The following FAT4 variants were observed in gnomAD, a reference collection of about 807,000 sequenced individuals.
The protein encoded by FAT4 is protocadherin Fat 4.
FAT4 carries 84 observed loss-of-function variants against 303.9 expected under a neutral mutation model. The observed-to-expected ratio is 0.28, with a 90% CI of 0.23 to 0.33. FAT4 has a LOEUF of 0.33. Among genes scored for constraint, FAT4 ranks in the 10% least tolerant of loss-of-function variants. FAT4 has a pLI of 1.00. For missense variants in FAT4, 6,005 were observed against 6,146.8 expected (o/e 0.98, Z 0.77); for synonymous variants, 2,307 against 2,298.8 (o/e 1.00, Z -0.10).
At chr4:125,416,377 T>TA in intron 6 of FAT4, 71 bp from the exon 7 acceptor site, 10 of 1,336,452 alleles carry the variant, frequency 7.5e-6, no homozygotes, top group Non-Finnish European at 1.0e-5. Context: ...CATTTTTTTT[T>TA]AATGGAGGCA....
At chr4:125,393,685 G>A (rs1734058674) in intron 2 of FAT4, among the ~76,000 whole-genome samples, 2 of 152,148 alleles carry the variant, frequency 1.3e-5, no homozygotes, top group African/African-American at 4.8e-5. Context: ...CCTTCAGCAA[G>A]CTGAATACCA....
intron 2 of FAT4, among the ~76,000 whole-genome samples, chr4:125,333,164 A>G (rs145738702): frequency 2.5e-4 from 38 of 152,114 alleles, no homozygotes; most frequent in African/African-American, 8.2e-4. Context: ...AATTTAGGTA[A>G]CTCATTGAGT....
At chr4:125,398,734 C>A in intron 2 of FAT4, 50 bp from the exon 3 acceptor site, 1 of 1,590,706 alleles carries the variant, frequency 6.3e-7, no homozygotes, top group Non-Finnish European at 8.6e-7. Flanking sequence ...TAATTGGTAT[C>A]TTGCAGACAC....
rs1730637850 is a variant in FAT4 at position 125,317,082 on chromosome 4, A to G, written c.671A>G (p.Asp224Gly). ...TACCAGCTCCTGGTTGAGGTGGAGG[A>G]CAAGGGTGAGCCTAAGCGGCGGGGC... ...PQYQLLVEVE[D>G]KGEPKRRGYL... Residue 224 changes from aspartate (D) to glycine (G), a missense_variant, in exon 2 of 18, where the codon GAC (aspartate) becomes GGC (glycine). Transcript: ENST00000394329. The surrounding 1 kb of genome is among the most constrained non-coding windows in gnomAD (Gnocchi z 7.0). 6.2e-7 allele frequency: 1 copy of G among 1,614,024 alleles called. No individual in the cohort carries two copies. The highest frequency in any genetic ancestry group is 8.5e-7 in the Non-Finnish European group (1 of 1,180,036).
At chr4:125,388,988 G>A (rs971547981) in intron 2 of FAT4, among the ~76,000 whole-genome samples, 1 of 152,114 alleles carries the variant, frequency 6.6e-6, no homozygotes, top group Admixed American at 6.5e-5. Context: ...AGTGGTGAGA[G>A]ATTAATGTAA....
chr4:125,405,076 A>C (rs1417315967), intron 3 of FAT4, among the ~76,000 whole-genome samples: 4 of 152,022 alleles, frequency 2.6e-5, no homozygotes, highest in Admixed American at 2.0e-4. Context: ...AAAATCTGAA[A>C]TGTTCCAATA....
chr4:125,469,061 T>A (rs1236971374), intron 12 of FAT4, among the ~76,000 whole-genome samples: 1 of 152,236 alleles, frequency 6.6e-6, no homozygotes, highest in Non-Finnish European at 1.5e-5. Context: ...TTGTATGTTT[T>A]TAAGGCCATG....
chr4:125,415,865 C>A, intron 6 of FAT4, 59 bp downstream of exon 6: 1 of 1,286,660 alleles, frequency 7.8e-7, no homozygotes, highest in Non-Finnish European at 1.1e-6. Context: ...ATTTGAAAAC[C>A]TCCCCTCTTC....
intron 5 of FAT4, among the ~76,000 whole-genome samples, chr4:125,413,406 A>G (rs963495304): frequency 6.6e-6 from 1 of 151,906 alleles, no homozygotes; most frequent in Non-Finnish European, 1.5e-5. Flanking sequence ...GTAGTCTTAA[A>G]TAAACTATAA....
chr4:125,347,805 G>T (rs1732063053), intron 2 of FAT4, among the ~76,000 whole-genome samples: 1 of 151,630 alleles, frequency 6.6e-6, no homozygotes, highest in East Asian at 1.9e-4. Flanking sequence ...TTTATAGTAG[G>T]ACCTCTGAGT....
rs534821518 is a variant in FAT4 at position 125,460,357 on chromosome 4, C to T, written c.11801-3206C>T. On this transcript the variant is annotated intron_variant, in intron 10 of 17. Coordinates refer to ENST00000394329, the MANE Select transcript of FAT4 (RefSeq NM_001291303.3). ...ATAGGTAAACTCATGTCACAGGGTTCGTTATACAGATTATTTCATCAACTA... is the reference window on the plus strand; with the variant it reads ...ATAGGTAAACTCATGTCACAGGGTTTGTTATACAGATTATTTCATCAACTA... 1.4e-3 allele frequency among the ~76,000 whole-genome samples: 220 copies of T among 151,946 alleles called. 1 individual carries two copies. Among genetic ancestry groups the T allele is most frequent in the Non-Finnish European group, 2.6e-3 (179 of 67,908 alleles).
At chr4:125,461,513 C>G (rs924158942) in intron 10 of FAT4, among the ~76,000 whole-genome samples, 2 of 151,876 alleles carry the variant, frequency 1.3e-5, no homozygotes, top group African/African-American at 4.8e-5. Context: ...AATTTTGTAA[C>G]CCACTAACAT....
intron 6 of FAT4, among the ~76,000 whole-genome samples, 188 bp from the exon 7 acceptor site, chr4:125,416,260 T>G (rs1228709411): frequency 6.6e-6 from 1 of 152,186 alleles, no homozygotes; most frequent in Admixed American, 6.5e-5. Flanking sequence ...TTTACACATA[T>G]TTTTACACAA....
intron 10 of FAT4, among the ~76,000 whole-genome samples, chr4:125,459,595 A>C (rs1726413211): frequency 6.6e-6 from 1 of 152,044 alleles, no homozygotes; most frequent in African/African-American, 2.4e-5. Flanking sequence ...CAAAGCAATG[A>C]GATCAATTTA....
intron 2 of FAT4, among the ~76,000 whole-genome samples, chr4:125,385,019 TATATA>T (rs1330995366): frequency 0.014 from 994 of 72,868 alleles, 7 homozygotes; most frequent in East Asian, 0.066. Flanking sequence ...TATATATATA[TATATA>T]TTTTTTTTTT....
intron 2 of FAT4, among the ~76,000 whole-genome samples, chr4:125,373,428 A>AT: frequency 6.6e-6 from 1 of 151,778 alleles, no homozygotes; most frequent in East Asian, 1.9e-4. Flanking sequence ...TATAGGACAG[A>AT]TTGTTTTAAA....
chr4:125,452,623 A>T lies in FAT4; in HGVS notation c.11613A>T (p.Ser3871=). ...CEIDIDECLP[S]PCHSGGTCHN... is the part of the protein sequence containing the mutation. ...TAGATATAGATGAATGTCTTCCATC[A>T]CCTTGCCACAGTGGTGGAACCTGTC... The change falls in exon 10 of 18, where the codon TCA becomes TCT. Residue 3871 remains serine (S), a synonymous_variant. Transcript: ENST00000394329. 4 of 1,614,150 alleles carry T rather than the reference A, an allele frequency of 2.5e-6. No homozygotes were observed. Among genetic ancestry groups the T allele is most frequent in the Non-Finnish European group, 3.4e-6 (4 of 1,180,026 alleles).
rs147155322 is a variant in FAT4, at chr4:125,438,972, C to A, written c.7199+4547C>A. Among the ~76,000 whole-genome samples the A allele has an allele frequency of 4.3e-3, 654 of 152,272 alleles. 1 individual carries two copies. Among genetic ancestry groups the A allele is most frequent in the Non-Finnish European group, 6.9e-3 (468 of 68,012 alleles). Reference sequence around the variant, plus strand: ...TATAAGTTAATTTTTTTCCAATGATCTAGCATGATTTTGCATATAGCATCC... The same window carrying A: ...TATAAGTTAATTTTTTTCCAATGATATAGCATGATTTTGCATATAGCATCC... On this transcript the variant is annotated intron_variant, in intron 8 of 17. Coordinates refer to ENST00000394329, the MANE Select transcript of FAT4 (RefSeq NM_001291303.3).
chr4:125,491,581 A>T lies in FAT4; in HGVS notation c.14765A>T (p.Lys4922Met), dbSNP rs1245919168. 6.2e-7 allele frequency: 1 copy of T among 1,614,182 alleles called. No homozygotes were observed. The highest frequency in any genetic ancestry group is 8.5e-7 in the Non-Finnish European group (1 of 1,180,024). ...ACTGCTGACAACACACTGCCCATGA[A>T]GCTAGGGCAGCAAGCAGGGACTTTC... ...PGTADNTLPMKLGQQAGTFNW... is the reference protein window; with the variant it reads ...PGTADNTLPMMLGQQAGTFNW... The change falls in exon 18 of 18, where the codon AAG becomes ATG. Residue 4922 changes from lysine (K) to methionine (M), a missense_variant. Coordinates refer to ENST00000394329, the MANE Select transcript of FAT4 (RefSeq NM_001291303.3).
Sources: allele counts gnomAD v4.1 joint callset (sites outside exome capture counted in the v4.1 genomes callset), GRCh38; gene constraint gnomAD v4.1.1; non-coding constraint Gnocchi (gnomAD v3.1); transcripts MANE v1.5; gene names NCBI Gene and HGNC (gene_info 2026-07-23, HGNC 2026-07-21).